The following KBTBD2 variants were observed in gnomAD, a reference collection of about 807,000 sequenced individuals.
The protein encoded by KBTBD2 is kelch repeat and BTB domain-containing protein 2.
Under a neutral mutation model 57.1 loss-of-function variants are expected in KBTBD2, and 17 were observed. That is an observed-to-expected ratio of 0.30 (90% CI 0.20 to 0.45). KBTBD2 has a LOEUF of 0.45. KBTBD2 is among the 20% of genes least tolerant of loss of function. The pLI, the probability that KBTBD2 is intolerant of heterozygous loss-of-function variation, is 1.00. For missense variants in KBTBD2, 515 were observed against 750.6 expected (o/e 0.69, Z 3.67); for synonymous variants, 267 against 262.7 (o/e 1.02, Z -0.16).
chr7:32,882,936 G>C (rs1401764055), intron 1 of KBTBD2, among the ~76,000 whole-genome samples: 2 of 152,228 alleles, frequency 1.3e-5, no homozygotes, highest in African/African-American at 4.8e-5. Context: ...AGTGAGCCGA[G>C]ATCGTGCCAC....
chr7:32,870,678 ATATC>A lies in KBTBD2; in HGVS notation c.535_538del (p.Asp179PhefsTer7). The A allele has an allele frequency of 6.2e-7, 1 of 1,613,934 alleles. No individual in the cohort carries two copies. ...TACATTTAAATTGTCACTACTGAGA[ATATC>A]TATCAGTAGGTCATGTGACAGCTGC... On this transcript the variant is annotated frameshift_variant, in exon 4 of 4. Coordinates refer to ENST00000304056, the MANE Select transcript of KBTBD2 (RefSeq NM_015483.3). LOFTEE classifies it high-confidence loss of function.
chr7:32,886,362 T>G (rs542397332), intron 1 of KBTBD2, among the ~76,000 whole-genome samples: 1 of 152,358 alleles, frequency 6.6e-6, no homozygotes, highest in Admixed American at 6.5e-5. Context: ...TCCGAGGTTC[T>G]GAGTGAATTC....
In KBTBD2 at chr7:32,869,563, A is replaced by G; in HGVS notation, c.1654T>C (p.Tyr552His). 1 of 1,614,196 alleles carries G rather than the reference A, an allele frequency of 6.2e-7. No homozygotes were observed. The highest frequency in any genetic ancestry group is 8.5e-7 in the Non-Finnish European group (1 of 1,180,026). Residue 552 changes from tyrosine to histidine, a missense_variant, in exon 4 of 4, where the codon TAC becomes CAC. Physicochemically the swap from Tyr to His is moderately conservative, Grantham distance 83. Coordinates refer to ENST00000304056, the MANE Select transcript of KBTBD2 (RefSeq NM_015483.3). ...HLNERAKYVT[Y>H]QYDLELDRWS... Reference sequence around the variant, plus strand: ...CGGTCAAGTTCCAGGTCATATTGGTAGGTGACGTATTTAGCTCGCTCATTT... The same window carrying G: ...CGGTCAAGTTCCAGGTCATATTGGTGGGTGACGTATTTAGCTCGCTCATTT...
chr7:32,881,056 G>A (rs1487635227), intron 1 of KBTBD2, among the ~76,000 whole-genome samples: 3 of 149,336 alleles, frequency 2.0e-5, no homozygotes, highest in African/African-American at 7.4e-5. Flanking sequence ...AGCCAAGATC[G>A]CACCACTGCA....
chr7:32,876,600 GC>G (rs1248397969), intron 2 of KBTBD2, among the ~76,000 whole-genome samples: 2 of 152,164 alleles, frequency 1.3e-5, no homozygotes, highest in African/African-American at 4.8e-5. Context: ...TGGCTATCAG[GC>G]TATGACAATA....
Position 32,891,551 on chromosome 7 carries a change from CGGAGGTGT to C in KBTBD2, c.-362_-355del. On this transcript the variant is annotated 5_prime_UTR_variant, in exon 1 of 4. Transcript: ENST00000304056. ...GCCTGCTCACCCGCGTCCCTCGGTC[CGGAGGTGT>C]GGGATCCGCTCCAGCCGGTGGCCCC... is the stretch of plus-strand genomic sequence containing the variant. 1 of 151,152 alleles carries C rather than the reference CGGAGGTGT, an allele frequency of 6.6e-6. No individual in the cohort carries two copies. Among genetic ancestry groups the C allele is most frequent in the African/African-American group, 2.4e-5 (1 of 41,368 alleles). The allele number at this position is 151,152 out of a possible 1,614,324, so 9.4% of individuals were successfully genotyped here.
intron 1 of KBTBD2, among the ~76,000 whole-genome samples, chr7:32,887,867 A>G (rs1784619965): frequency 6.6e-6 from 1 of 152,232 alleles, no homozygotes; most frequent in Non-Finnish European, 1.5e-5. Flanking sequence ...AATGTAGTTA[A>G]AAGTACAACT....
chr7:32,887,306 T>C (rs1193751944), intron 1 of KBTBD2, among the ~76,000 whole-genome samples: 1 of 152,232 alleles, frequency 6.6e-6, no homozygotes, highest in African/African-American at 2.4e-5. Flanking sequence ...GGAATAAGTG[T>C]TACTGATCTG....
intron 2 of KBTBD2, 151 bp downstream of exon 2, chr7:32,879,284 T>C (rs927642683): frequency 1.7e-6 from 1 of 581,632 alleles, no homozygotes; most frequent in Non-Finnish European, 3.0e-6. Flanking sequence ...TTCATGTGTC[T>C]CTTACACATG....
chr7:32,888,616 AAAAAT>A (rs1784642869), intron 1 of KBTBD2, among the ~76,000 whole-genome samples: 1 of 152,062 alleles, frequency 6.6e-6, no homozygotes, highest in Non-Finnish European at 1.5e-5. Context: ...ATCAAGTTTT[AAAAAT>A]TTCAGCATAC....
chr7:32,883,998 T>C (rs1784504935), intron 1 of KBTBD2, among the ~76,000 whole-genome samples: 1 of 152,210 alleles, frequency 6.6e-6, no homozygotes, highest in African/African-American at 2.4e-5. Flanking sequence ...AATGTAGCTA[T>C]CTTAATCTTT....
Position 32,870,892 on chromosome 7 carries a change from A to AG in KBTBD2, c.337-13dup. On this transcript the variant is annotated splice_polypyrimidine_tract_variant and intron_variant, in intron 3 of 3. Transcript: ENST00000304056. ...AACACATCTTCTACCTAGAATGAGA[A>AG]GGAAAAAAAAAACAGGCTGATAGGG... 4 of 1,477,126 alleles carry AG rather than the reference A, an allele frequency of 2.7e-6. No homozygotes were observed. The highest frequency in any genetic ancestry group is 2.4e-5 in the East Asian group (1 of 42,010). 91.5% of individuals were successfully genotyped at this position (1,477,126 alleles called of 1,614,324 possible).
intron 1 of KBTBD2, among the ~76,000 whole-genome samples, chr7:32,884,989 TACAC>T (rs1554278158): frequency 5.3e-5 from 6 of 112,346 alleles, no homozygotes; most frequent in Admixed American, 3.0e-4. Flanking sequence ...TATATATATA[TACAC>T]ATATATGTGT....
At position 32,879,620 on chromosome 7, in the gene KBTBD2, A is replaced by AT; in HGVS notation, c.-17dup. The AT allele has an allele frequency of 1.9e-6, 3 of 1,607,558 alleles. No homozygotes were observed. Among genetic ancestry groups the AT allele is most frequent in the Non-Finnish European group, 2.6e-6 (3 of 1,175,684 alleles). Reference sequence around the variant, plus strand: ...GAGTGGACATGACTGTATTCCATTAATATCTCCAGGAACAGATTAGAAAAG... The same window carrying AT: ...GAGTGGACATGACTGTATTCCATTAATTATCTCCAGGAACAGATTAGAAAAG... On this transcript the variant is annotated 5_prime_UTR_variant, in exon 2 of 4. Coordinates refer to ENST00000304056, the MANE Select transcript of KBTBD2 (RefSeq NM_015483.3).
In KBTBD2 at chr7:32,872,866, C is replaced by G. The variant is rs73316961; in HGVS notation, c.337-1986G>C. On this transcript the variant is annotated intron_variant, in intron 3 of 3. Coordinates refer to ENST00000304056, the MANE Select transcript of KBTBD2 (RefSeq NM_015483.3). Reference sequence around the variant, plus strand: ...AAAATCTGAAAAAATCTGAAACTGGCTGAACTGGATTTCTGGTCCCAATCA... The same window carrying G: ...AAAATCTGAAAAAATCTGAAACTGGGTGAACTGGATTTCTGGTCCCAATCA... Among the ~76,000 whole-genome samples the G allele has an allele frequency of 4.5e-3, 682 of 152,222 alleles. 2 individuals carry two copies. Among genetic ancestry groups the G allele is most frequent in the African/African-American group, 0.016 (650 of 41,538 alleles).
chr7:32,876,882 G>A (rs1049649220), intron 2 of KBTBD2, among the ~76,000 whole-genome samples: 3 of 152,026 alleles, frequency 2.0e-5, no homozygotes, highest in Non-Finnish European at 2.9e-5. Flanking sequence ...ACTTGAACCC[G>A]GGAGGCAGAG....
intron 2 of KBTBD2, among the ~76,000 whole-genome samples, chr7:32,877,126 C>T (rs950876331): frequency 2.6e-5 from 4 of 152,080 alleles, no homozygotes; most frequent in African/African-American, 7.2e-5. Flanking sequence ...TCAAGCGATT[C>T]TCCTACTTCA....
chr7:32,874,808 A>C, intron 3 of KBTBD2, 184 bp downstream of exon 3: 1 of 468,474 alleles, frequency 2.1e-6, no homozygotes, highest in South Asian at 2.6e-5. Context: ...CCTGACCAAC[A>C]TGGTGAAACC....
In KBTBD2 at chr7:32,869,443, C is replaced by T; in HGVS notation, c.1774G>A (p.Glu592Lys). 2 of 1,614,108 alleles carry T rather than the reference C, an allele frequency of 1.2e-6. No homozygotes were observed. The highest frequency in any genetic ancestry group is 1.7e-6 in the Non-Finnish European group (2 of 1,179,974). The change falls in exon 4 of 4, where the codon GAA (glutamate) becomes AAA (lysine). Residue 592 changes from glutamate (E) to lysine (K), a missense_variant. Physicochemically the swap from Glu to Lys is moderately conservative, Grantham distance 56. Transcript: ENST00000304056. ...TVGKLYPSCL[E>K]ESPWKPPTYL... Reference sequence around the variant, plus strand: ...GTTGGTGGTTTCCATGGAGACTCTTCAAGGCAGGATGGATAGAGTTTCCCC... The same window carrying T: ...GTTGGTGGTTTCCATGGAGACTCTTTAAGGCAGGATGGATAGAGTTTCCCC...
Sources: allele counts gnomAD v4.1 joint callset (sites outside exome capture counted in the v4.1 genomes callset), GRCh38; gene constraint gnomAD v4.1.1; transcripts MANE v1.5; gene names NCBI Gene and HGNC (gene_info 2026-07-23, HGNC 2026-07-21).